EPHA4: variants seen among roughly 807,000 people sequenced by gnomAD.
EPHA4 encodes EPH receptor A4.
Under a neutral mutation model 108.3 loss-of-function variants are expected in EPHA4, and 19 were observed. The ratio of observed to expected loss-of-function variants is 0.18; its 90% CI spans 0.12 to 0.26. The LOEUF (loss-of-function observed/expected upper bound fraction) is 0.26, where lower values mean the gene tolerates loss of function less well. Ranked by LOEUF, EPHA4 falls within the 10% of genes least tolerant of loss-of-function variation. EPHA4 has a pLI of 1.00. For missense variants in EPHA4, 917 were observed against 1,254.0 expected (o/e 0.73, Z 4.06); for synonymous variants, 449 against 455.5 (o/e 0.99, Z 0.18).
intron 3 of EPHA4, among the ~76,000 whole-genome samples, chr2:221,563,400 G>A (rs1446909324): frequency 6.6e-6 from 1 of 152,138 alleles, no homozygotes; most frequent in Non-Finnish European, 1.5e-5. Flanking sequence ...TCAAAAATGT[G>A]TCCGCCCTCT....
At position 221,420,207 on chromosome 2, in the gene EPHA4, A is replaced by G. The variant is rs1031645557; in HGVS notation, c.*1165T>C. The stretch of plus-strand genomic sequence containing the variant: ...CCACACCAATGCAGCAGTGACACAC[A>G]GGAATGAAATATGGAAATACATATA... On this transcript the variant is annotated 3_prime_UTR_variant, in exon 18 of 18. Coordinates refer to ENST00000281821, the MANE Select transcript of EPHA4 (RefSeq NM_004438.5). The G allele has an allele frequency of 6.6e-6, 1 of 152,456 alleles. No homozygotes were observed. The highest frequency in any genetic ancestry group is 2.4e-5 in the African/African-American group (1 of 41,330). The allele number at this position is 152,456 out of a possible 1,614,324, so 9.4% of individuals were successfully genotyped here. A position where few individuals can be genotyped will look rare whatever the true frequency, so the allele number is the denominator to read the frequency against.
At chr2:221,457,227 T>C (rs1210160430) in intron 6 of EPHA4, among the ~76,000 whole-genome samples, 1 of 152,160 alleles carries the variant, frequency 6.6e-6, no homozygotes, top group Non-Finnish European at 1.5e-5. Flanking sequence ...GTGATTATCT[T>C]TAAAAAGAAA....
At chr2:221,520,471 T>C (rs1345162905) in intron 3 of EPHA4, among the ~76,000 whole-genome samples, 2 of 151,072 alleles carry the variant, frequency 1.3e-5, no homozygotes, top group East Asian at 3.9e-4. Flanking sequence ...AGTAGGCAAC[T>C]GGTAGACCCA....
chr2:221,496,883 A>G (rs1692313998), intron 4 of EPHA4, among the ~76,000 whole-genome samples: 1 of 152,124 alleles, frequency 6.6e-6, no homozygotes, highest in Non-Finnish European at 1.5e-5. Flanking sequence ...CACTCCGGCC[A>G]GGGTGACAAG....
In EPHA4 at chr2:221,453,455, G is replaced by A. The variant is rs190828422; in HGVS notation, c.1715+2092C>T. Among the ~76,000 whole-genome samples, 436 of 152,078 alleles carry A rather than the reference G, an allele frequency of 2.9e-3. 1 individual carries two copies. The highest frequency in any genetic ancestry group is 5.1e-3 in the Non-Finnish European group (346 of 67,988). On this transcript the variant is annotated intron_variant, in intron 8 of 17. Transcript: ENST00000281821. ...CCCGGTGGTTATATGCACAGCATGC[G>A]TACATATACAAAACTAAATGGCAAT...
At chr2:221,485,614 T>C (rs926048610) in intron 4 of EPHA4, among the ~76,000 whole-genome samples, 34 of 152,210 alleles carry the variant, frequency 2.2e-4, no homozygotes, top group African/African-American at 7.2e-4. Context: ...GAAAAAAACC[T>C]GGGAGAGGAC....
chr2:221,495,019 A>G (rs1692261680), intron 4 of EPHA4, among the ~76,000 whole-genome samples: 1 of 152,018 alleles, frequency 6.6e-6, no homozygotes, highest in Admixed American at 6.5e-5. Context: ...AAAAAAAAAA[A>G]AAAAACTTCT....
chr2:221,547,272 A>G (rs2106195566), intron 3 of EPHA4, among the ~76,000 whole-genome samples: 2 of 152,342 alleles, frequency 1.3e-5, no homozygotes, highest in South Asian at 4.1e-4. Context: ...TAGATTATTA[A>G]AAGTTCATTC....
chr2:221,556,102 G>A (rs1326006837), intron 3 of EPHA4, among the ~76,000 whole-genome samples: 3 of 152,176 alleles, frequency 2.0e-5, no homozygotes, highest in Non-Finnish European at 4.4e-5. Context: ...TATTGAGAAT[G>A]TTTTCGTGTG....
intron 3 of EPHA4, among the ~76,000 whole-genome samples, chr2:221,536,192 G>A (rs2106186921): frequency 6.6e-6 from 1 of 152,274 alleles, no homozygotes; most frequent in South Asian, 2.1e-4. Context: ...GGATGACCTT[G>A]TCCAGTTAGC....
intron 4 of EPHA4, among the ~76,000 whole-genome samples, chr2:221,493,623 C>T (rs1047783194): frequency 2.0e-5 from 3 of 152,082 alleles, no homozygotes; most frequent in African/African-American, 7.2e-5. Flanking sequence ...CATTATGGCT[C>T]ATTATGTTGA....
At position 221,563,894 on chromosome 2, in the gene EPHA4, C is replaced by A. The variant is rs1361358068; in HGVS notation, c.660G>T (p.Gly220=). ...NLAQFPDTIT[G]ADTSSLVEVR... is the part of the protein sequence containing the mutation. ...CTTCCACCAGGGAAGACGTATCAGC[C>A]CCTGTGATGGTGTCAGGAAACTGGG... The change falls in exon 3 of 18, where the codon GGG becomes GGT. Residue 220 remains glycine, a synonymous_variant. Transcript: ENST00000281821. The A allele has an allele frequency of 2.5e-6, 4 of 1,614,220 alleles. No individual in the cohort carries two copies. The highest frequency in any genetic ancestry group is 3.4e-6 in the Non-Finnish European group (4 of 1,180,048).
intron 5 of EPHA4, among the ~76,000 whole-genome samples, chr2:221,470,508 C>T (rs1396448007): frequency 6.6e-6 from 1 of 151,878 alleles, no homozygotes; most frequent in African/African-American, 2.4e-5. Flanking sequence ...CCATAGAATG[C>T]TGAGAAGGTG....
chr2:221,437,478 ATTAAT>A (rs1690278221), intron 11 of EPHA4: 1 of 176,294 alleles, frequency 5.7e-6, no homozygotes. Flanking sequence ...CTTTAGGATA[ATTAAT>A]TTATTTTGTC....
intron 13 of EPHA4, among the ~76,000 whole-genome samples, chr2:221,435,682 C>T (rs978664372): frequency 6.6e-6 from 1 of 152,064 alleles, no homozygotes; most frequent in East Asian, 1.9e-4. Flanking sequence ...TTCAGATAGT[C>T]GAGCTAAGAT....
At chr2:221,535,481 C>A (rs1693641712) in intron 3 of EPHA4, among the ~76,000 whole-genome samples, 2 of 152,148 alleles carry the variant, frequency 1.3e-5, no homozygotes, top group Admixed American at 6.6e-5. Context: ...GTCCCAAATC[C>A]CAAATCTAAA....
intron 3 of EPHA4, among the ~76,000 whole-genome samples, chr2:221,540,608 A>G (rs556551453): frequency 6.6e-6 from 1 of 152,310 alleles, no homozygotes; most frequent in African/African-American, 2.4e-5. Flanking sequence ...AGGAAAGGCA[A>G]TCACTGTTGA....
intron 5 of EPHA4, among the ~76,000 whole-genome samples, chr2:221,469,198 C>T (rs779187491): frequency 5.3e-5 from 8 of 152,122 alleles, no homozygotes; most frequent in Non-Finnish European, 8.8e-5. Context: ...ATAAAAGGTA[C>T]TCAGTGTTAC....
chr2:221,525,974 T>G (rs1693311934), intron 3 of EPHA4, among the ~76,000 whole-genome samples: 1 of 152,196 alleles, frequency 6.6e-6, no homozygotes, highest in Non-Finnish European at 1.5e-5. Context: ...GTCCAACTGG[T>G]TACATAGCCA....
Sources: gnomAD v4.1 joint callset for allele counts (sites outside exome capture counted in the v4.1 genomes callset) on GRCh38, gnomAD v4.1.1 for gene constraint, MANE v1.5 for transcripts, NCBI Gene and HGNC (gene_info 2026-07-23, HGNC 2026-07-21) for gene names.